Variants in TMTC2 observed in about 807,000 individuals in gnomAD.
TMTC2 encodes the protein protein O-mannosyl-transferase TMTC2.
A neutral mutation model predicts 82.4 loss-of-function variants in TMTC2; 43 were observed. The ratio of observed to expected loss-of-function variants is 0.52; its 90% confidence interval spans 0.41 to 0.67. TMTC2 has a LOEUF of 0.67. Ranked by LOEUF, TMTC2 falls within the 30% of genes least tolerant of loss-of-function variation. TMTC2 has a pLI of 0.00. For synonymous variants in TMTC2, 408 were observed against 381.9 expected (o/e 1.07, Z -0.80); for missense variants, 919 against 1,012.4 (o/e 0.91, Z 1.25).
chr12:82,852,402 C>T (rs776631816), intron 1 of TMTC2, among the ~76,000 whole-genome samples: 41 of 152,014 alleles, frequency 2.7e-4, no homozygotes, highest in Admixed American at 2.2e-3. Context: ...CCACCGCGCC[C>T]GGCCAGAGAC....
In TMTC2 at chr12:82,973,606, A is replaced by G. The variant is rs73364205; in HGVS notation, c.1948+6609A>G. Among the ~76,000 whole-genome samples the G allele has an allele frequency of 8.7e-3, 1,321 of 152,336 alleles. 17 individuals carry two copies. The highest frequency in any genetic ancestry group is 0.03 in the African/African-American group (1,261 of 41,580). ...TATTTTTCTACATTTTACACCGTATATAAACTCTACATTATGTACTATGGT... is the reference window on the plus strand; with the variant it reads ...TATTTTTCTACATTTTACACCGTATGTAAACTCTACATTATGTACTATGGT... On this transcript the variant is annotated intron_variant, in intron 7 of 11. Transcript: ENST00000321196.
chr12:83,007,103 AC>A (rs1160193861), intron 8 of TMTC2, among the ~76,000 whole-genome samples: 3 of 152,000 alleles, frequency 2.0e-5, no homozygotes, highest in Non-Finnish European at 4.4e-5. Context: ...ATAGAAAAAA[AC>A]CCAGAAAATT....
intron 1 of TMTC2, among the ~76,000 whole-genome samples, chr12:82,764,106 A>C (rs1351975186): frequency 1.3e-5 from 2 of 152,174 alleles, no homozygotes; most frequent in Non-Finnish European, 2.9e-5. Flanking sequence ...AGCAGAAAAC[A>C]TGGGTAACTA....
At chr12:82,924,748 C>T (rs962436123) in intron 3 of TMTC2, among the ~76,000 whole-genome samples, 10 of 152,166 alleles carry the variant, frequency 6.6e-5, no homozygotes, top group African/African-American at 2.2e-4. Flanking sequence ...CCGCAGTTGC[C>T]TTCCAGCTGG....
chr12:83,120,014 A>C (rs771098411), intron 11 of TMTC2, among the ~76,000 whole-genome samples: 4 of 151,992 alleles, frequency 2.6e-5, no homozygotes, highest in Non-Finnish European at 5.9e-5. Context: ...CCTTTTACCT[A>C]TGTGAGTCCT....
intron 11 of TMTC2, among the ~76,000 whole-genome samples, chr12:83,084,334 A>C (rs1377784982): frequency 6.6e-6 from 1 of 152,178 alleles, no homozygotes; most frequent in Non-Finnish European, 1.5e-5. Flanking sequence ...CTAATGGCAT[A>C]CATATTTTTT....
At chr12:83,020,120 A>G (rs11830635) in intron 8 of TMTC2, among the ~76,000 whole-genome samples, 6,218 of 152,236 alleles carry the variant, frequency 0.041, 446 homozygotes, top group African/African-American at 0.14. Context: ...GAGTATTTCC[A>G]CTAAATCAGA....
intron 3 of TMTC2, among the ~76,000 whole-genome samples, chr12:82,902,270 C>A (rs549231746): frequency 6.6e-6 from 1 of 152,304 alleles, no homozygotes; most frequent in South Asian, 2.1e-4. Context: ...CCTAAGACTG[C>A]CACCCTCAGG....
chr12:82,692,420 G>C (rs1872617431), intron 1 of TMTC2, among the ~76,000 whole-genome samples: 1 of 152,142 alleles, frequency 6.6e-6, no homozygotes, highest in South Asian at 2.1e-4. Flanking sequence ...CAGTTTTGTT[G>C]CTGCTCAGCA....
intron 9 of TMTC2, among the ~76,000 whole-genome samples, chr12:83,046,598 A>G (rs1340798408): frequency 6.6e-6 from 1 of 152,174 alleles, no homozygotes; most frequent in Non-Finnish European, 1.5e-5. Context: ...TCTACCTTGT[A>G]GTATACCTGC....
intron 9 of TMTC2, among the ~76,000 whole-genome samples, chr12:83,039,016 C>G (rs453843): frequency 6.7e-6 from 1 of 148,378 alleles, no homozygotes; most frequent in African/African-American, 2.5e-5. Context: ...TCTGCAACCT[C>G]TGCCCCCCGG....
At chr12:82,867,722 CAA>C (rs1158476742) in intron 2 of TMTC2, among the ~76,000 whole-genome samples, 3 of 152,082 alleles carry the variant, frequency 2.0e-5, no homozygotes, top group Non-Finnish European at 4.4e-5. Context: ...ATGGAAAACT[CAA>C]AGTTACATGA....
intron 10 of TMTC2, among the ~76,000 whole-genome samples, chr12:83,055,259 C>T (rs1157978540): frequency 1.3e-5 from 2 of 152,068 alleles, no homozygotes; most frequent in Non-Finnish European, 2.9e-5. Context: ...CAGTGAATTT[C>T]TGGCTTCTGC....
At position 82,790,686 on chromosome 12, in the gene TMTC2, G is replaced by A. The variant is rs1221209097; in HGVS notation, c.84-66324G>A. Among the ~76,000 whole-genome samples the A allele has an allele frequency of 2.0e-5, 3 of 151,768 alleles. No homozygotes were observed. In the East Asian group the frequency reaches 5.8e-4, roughly 29 times the overall value. On this transcript the variant is annotated intron_variant, in intron 1 of 11. Transcript: ENST00000321196. ...ACTAAAAATACAAAAAATTAACTGGGTGTGGTTGTGCATGCCTGTAATCCC... is the reference window on the plus strand; with the variant it reads ...ACTAAAAATACAAAAAATTAACTGGATGTGGTTGTGCATGCCTGTAATCCC...
chr12:82,994,002 C>A (rs1233156732), intron 8 of TMTC2, among the ~76,000 whole-genome samples: 1 of 152,152 alleles, frequency 6.6e-6, no homozygotes, highest in Admixed American at 6.5e-5. Context: ...CTGTGAGCAG[C>A]GTGCATGTAA....
At chr12:82,769,152 G>A (rs1565742305) in intron 1 of TMTC2, among the ~76,000 whole-genome samples, 1 of 151,470 alleles carries the variant, frequency 6.6e-6, no homozygotes, top group Non-Finnish European at 1.5e-5. Context: ...CGAGAATCTA[G>A]CAATATTACT....
chr12:82,787,049 T>C (rs949760280), intron 1 of TMTC2, among the ~76,000 whole-genome samples: 5 of 152,142 alleles, frequency 3.3e-5, no homozygotes, highest in African/African-American at 9.7e-5. Flanking sequence ...ATCAGGCTGT[T>C]TCTATCAAAT....
At chr12:82,941,749 G>T (rs951430078) in intron 4 of TMTC2, among the ~76,000 whole-genome samples, 5 of 151,912 alleles carry the variant, frequency 3.3e-5, no homozygotes, top group Admixed American at 6.6e-5. Context: ...ATGATTTTTT[G>T]TTGTTGTTTT....
rs1425479170 is a variant in TMTC2, at chr12:83,060,344, T to A, written c.2268-1424T>A. ...AATTTATATGGTTGCATGGGGTATG[T>A]TTTTATAGTTTGTATTTGGCTTGAC... On this transcript the variant is annotated intron_variant, in intron 10 of 11. Transcript: ENST00000321196. Among the ~76,000 whole-genome samples the A allele has an allele frequency of 2.0e-4, 31 of 151,756 alleles. No homozygotes were observed. The Admixed American group carries it at 2.0e-3, about 10-fold the overall frequency.
Sources: allele counts gnomAD v4.1 joint callset (sites outside exome capture counted in the v4.1 genomes callset), GRCh38; gene constraint gnomAD v4.1.1; transcripts MANE v1.5; gene names NCBI Gene and HGNC (gene_info 2026-07-23, HGNC 2026-07-21).